Variants in ARHGAP12 observed in about 807,000 individuals in gnomAD.
ARHGAP12 encodes Rho GTPase activating protein 12, also known as rho GTPase-activating protein 12.
In ARHGAP12, 64 loss-of-function variants were observed where a neutral mutation model predicts 108.6. That is an observed-to-expected ratio of 0.59 (90% CI 0.48 to 0.73). The LOEUF is 0.73. ARHGAP12 is among the 30% of genes least tolerant of loss of function. ARHGAP12 has a pLI of 0.00. For missense variants in ARHGAP12, 940 were observed against 1,005.9 expected (o/e 0.93, Z 0.89); for synonymous variants, 312 against 337.2 (o/e 0.93, Z 0.82).
rs1279094303 is a variant in ARHGAP12, at chr10:31,920,445, G to A, written c.-111+8238C>T. 2.9e-3 allele frequency among the ~76,000 whole-genome samples: 161 copies of A among 55,958 alleles called. 3 individuals carry two copies. The highest frequency in any genetic ancestry group is 0.017 in the African/African-American group (154 of 9,266). The allele number at this position is 55,958 out of a possible 152,430, so 36.7% of individuals were successfully genotyped here. ...AGCCTAGGCGACAGAGTGAGACTCC[G>A]TCTCAAAAAAAAAAAAAAAAAAAAA... is the stretch of plus-strand genomic sequence containing the variant. On this transcript the variant is annotated intron_variant, in intron 1 of 19. Coordinates refer to ENST00000344936, the MANE Select transcript of ARHGAP12 (RefSeq NM_018287.7).
Position 31,807,623 on chromosome 10 carries a change from C to A in ARHGAP12, c.*35G>T, listed in dbSNP as rs1030548619. 3 of 1,556,958 alleles carry A rather than the reference C, an allele frequency of 1.9e-6. No homozygotes were observed. The highest frequency in any genetic ancestry group is 2.8e-5 in the African/African-American group (2 of 71,684). On this transcript the variant is annotated 3_prime_UTR_variant, in exon 20 of 20. Transcript: ENST00000344936. ...ATAAACATTTGAAATCTGATGGAAT[C>A]CAGCTTCTATTCCACAGGTTGTCTT... is the stretch of plus-strand genomic sequence containing the variant.
intron 10 of ARHGAP12, among the ~76,000 whole-genome samples, chr10:31,829,764 G>A (rs975912159): frequency 1.4e-4 from 22 of 152,158 alleles, no homozygotes; most frequent in African/African-American, 4.6e-4. Flanking sequence ...AGTATGAACC[G>A]TTCACCGGCA....
rs1834817995 is a variant in ARHGAP12, at chr10:31,806,179, A to C, written c.*1479T>G. On this transcript the variant is annotated 3_prime_UTR_variant, in exon 20 of 20. Coordinates refer to ENST00000344936, the MANE Select transcript of ARHGAP12 (RefSeq NM_018287.7). ...AAGAGAGGAGAAAAGGTATGAAATG[A>C]GGAAAGTGTTATTTGCCACAGGAAA... is the stretch of plus-strand genomic sequence containing the variant. The C allele has an allele frequency of 6.6e-6, 1 of 152,188 alleles. No homozygotes were observed. The highest frequency in any genetic ancestry group is 2.4e-5 in the African/African-American group (1 of 41,448). The allele number at this position is 152,188 out of a possible 1,614,324, so 9.4% of individuals were successfully genotyped here. A position where few individuals can be genotyped will look rare whatever the true frequency, so the allele number is the denominator to read the frequency against.
chr10:31,875,231 T>C (rs1837687111), intron 3 of ARHGAP12, among the ~76,000 whole-genome samples: 1 of 152,162 alleles, frequency 6.6e-6, no homozygotes, highest in Non-Finnish European at 1.5e-5. Context: ...GTAACAATTC[T>C]GGAATGATCT....
chr10:31,862,506 C>T (rs12257474), intron 3 of ARHGAP12, among the ~76,000 whole-genome samples: 7,638 of 152,178 alleles, frequency 0.05, 641 homozygotes, highest in African/African-American at 0.17. Context: ...AAAAAACACA[C>T]GTCTGAGAAC....
chr10:31,861,585 T>A lies in ARHGAP12; in HGVS notation c.758A>T (p.Gln253Leu). 4.3e-6 allele frequency: 7 copies of A among 1,614,154 alleles called. No homozygotes were observed. Among genetic ancestry groups the A allele is most frequent in the Non-Finnish European group, 5.9e-6 (7 of 1,180,028 alleles). The stretch of plus-strand genomic sequence containing the variant: ...CCCAGGAAGTGGGGGAAGAGCAGAC[T>A]GGGATATTTTCAGTTCTTGAAGGTT... ...YANLQELKIS[Q>L]SALPPLPGSP... The change falls in exon 4 of 20, where the codon CAG (glutamine) becomes CTG (leucine). Residue 253 changes from glutamine (Q) to leucine (L), a missense_variant. Physicochemically the swap from Gln to Leu is moderately radical, Grantham distance 113 (BLOSUM62 -2). Transcript: ENST00000344936.
chr10:31,886,187 T>C (rs1838182430), intron 3 of ARHGAP12, among the ~76,000 whole-genome samples: 4 of 152,242 alleles, frequency 2.6e-5, no homozygotes. Flanking sequence ...TCCACATCTG[T>C]TGTTTTTGTT....
chr10:31,886,357 A>C (rs776574990), intron 3 of ARHGAP12, among the ~76,000 whole-genome samples: 1 of 152,210 alleles, frequency 6.6e-6, no homozygotes, highest in Non-Finnish European at 1.5e-5. Flanking sequence ...TACTACAATT[A>C]TCTATGTGTT....
In ARHGAP12 at chr10:31,861,448, T is replaced by C. The variant is rs755461594; in HGVS notation, c.895A>G (p.Thr299Ala). 2.5e-6 allele frequency: 4 copies of C among 1,614,084 alleles called. No individual in the cohort carries two copies. In the Admixed American group the frequency reaches 6.7e-5, roughly 27 times the overall value. The change falls in exon 4 of 20, where the codon ACT becomes GCT. Residue 299 changes from threonine to alanine, a missense_variant. Coordinates refer to ENST00000344936, the MANE Select transcript of ARHGAP12 (RefSeq NM_018287.7). ...CCTTTGCTGATGCTTGCATCCCGAG[T>C]CCAACGAGGAGGTTTCCAAGTTCTT... The part of the protein sequence containing the change: ...QERTWKPPRW[T>A]RDASISKGDF...
chr10:31,843,201 C>T (rs549589825), intron 7 of ARHGAP12, among the ~76,000 whole-genome samples: 1 of 152,140 alleles, frequency 6.6e-6, no homozygotes, highest in African/African-American at 2.4e-5. Flanking sequence ...AACCAAAACC[C>T]TCAAAACCAA....
chr10:31,923,454 C>T (rs1461279256), intron 1 of ARHGAP12, among the ~76,000 whole-genome samples: 1 of 152,164 alleles, frequency 6.6e-6, no homozygotes, highest in African/African-American at 2.4e-5. Context: ...GGATTTTCCT[C>T]TTAGGTATTT....
At chr10:31,903,997 T>C (rs1839026292) in intron 3 of ARHGAP12, among the ~76,000 whole-genome samples, 1 of 152,210 alleles carries the variant, frequency 6.6e-6, no homozygotes, top group Admixed American at 6.5e-5. Flanking sequence ...GGATTACTCA[T>C]ACGTTGCTGG....
At chr10:31,870,884 T>C (rs137885825) in intron 3 of ARHGAP12, among the ~76,000 whole-genome samples, 7 of 152,324 alleles carry the variant, frequency 4.6e-5, no homozygotes, top group Non-Finnish European at 1.0e-4. Context: ...ACACTGATAT[T>C]TTCATGGTTT....
At chr10:31,855,261 CAA>C (rs146162428) in intron 4 of ARHGAP12, among the ~76,000 whole-genome samples, 98 of 152,270 alleles carry the variant, frequency 6.4e-4, no homozygotes, top group African/African-American at 2.3e-3. Flanking sequence ...TGCCTACTGA[CAA>C]GAGGCACCAT....
intron 11 of ARHGAP12, among the ~76,000 whole-genome samples, chr10:31,824,728 G>A (rs986701272): frequency 6.6e-6 from 1 of 152,082 alleles, no homozygotes; most frequent in African/African-American, 2.4e-5. Context: ...AGGATGCTCT[G>A]TCTAATGGCT....
chr10:31,908,765 T>C lies in ARHGAP12; in HGVS notation c.91A>G (p.Lys31Glu). ...CTCTCCCCTTGTTTTATCACAATCTTTCTGTCCTTTGCTTCATATTCATAA... is the reference window on the plus strand; with the variant it reads ...CTCTCCCCTTGTTTTATCACAATCTCTCTGTCCTTTGCTTCATATTCATAA... ...YDYEYEAKDR[K>E]IVIKQGERYI... Residue 31 changes from lysine to glutamate, a missense_variant, in exon 3 of 20, where the codon AAG becomes GAG. Coordinates refer to ENST00000344936, the MANE Select transcript of ARHGAP12 (RefSeq NM_018287.7). 1.2e-6 allele frequency: 2 copies of C among 1,613,576 alleles called. No individual in the cohort carries two copies. The highest frequency in any genetic ancestry group is 1.7e-6 in the Non-Finnish European group (2 of 1,180,030).
rs866268755 is a variant in ARHGAP12 at position 31,887,554 on chromosome 10, A to G, written c.684+20618T>C. On this transcript the variant is annotated intron_variant, in intron 3 of 19. Coordinates refer to ENST00000344936, the MANE Select transcript of ARHGAP12 (RefSeq NM_018287.7). ...TCAAAGGGTTGTTTGGCAAAGATCA[A>G]TAGGACACAATCTTTGGCATTAAGG... is the stretch of plus-strand genomic sequence containing the variant. 2.6e-5 allele frequency among the ~76,000 whole-genome samples: 4 copies of G among 152,292 alleles called. No individual in the cohort carries two copies. In the Middle Eastern group the frequency reaches 0.01, roughly 389 times the overall value.
chr10:31,856,348 G>A (rs1413488017), intron 4 of ARHGAP12, among the ~76,000 whole-genome samples: 1 of 152,112 alleles, frequency 6.6e-6, no homozygotes, highest in Non-Finnish European at 1.5e-5. Context: ...CCACGCAGGA[G>A]TGTTAGAGAA....
chr10:31,869,076 C>T (rs539859414), intron 3 of ARHGAP12, among the ~76,000 whole-genome samples: 7 of 152,248 alleles, frequency 4.6e-5, no homozygotes, highest in African/African-American at 1.7e-4. Flanking sequence ...AAGTCCATAC[C>T]ACCATTTGCT....
Sources: gnomAD v4.1 joint callset for allele counts (sites outside exome capture counted in the v4.1 genomes callset) on GRCh38, gnomAD v4.1.1 for gene constraint, MANE v1.5 for transcripts, NCBI Gene and HGNC (gene_info 2026-07-23, HGNC 2026-07-21) for gene names.